The following USP34 variants were observed in gnomAD, a reference collection of about 807,000 sequenced individuals.
The protein encoded by USP34 is ubiquitin carboxyl-terminal hydrolase 34.
USP34 carries 70 observed loss-of-function variants against 460.3 expected under a neutral mutation model. The ratio of observed to expected loss-of-function variants is 0.15; its 90% CI spans 0.13 to 0.19. The LOEUF (loss-of-function observed/expected upper bound fraction) is 0.19. Among genes scored for constraint, USP34 ranks in the 10% least tolerant of loss-of-function variants. The pLI, the probability that USP34 is intolerant of heterozygous loss-of-function variation, is 1.00. For synonymous variants in USP34, 1,647 were observed against 1,405.3 expected (o/e 1.17, Z -3.85); for missense variants, 3,985 against 4,236.2 (o/e 0.94, Z 1.65).
At chr2:61,427,266 G>A (rs1184334731) in intron 1 of USP34, among the ~76,000 whole-genome samples, 1 of 152,190 alleles carries the variant, frequency 6.6e-6, no homozygotes, top group African/African-American at 2.4e-5. Context: ...CTGACCTCGT[G>A]ATCCACCCGC....
At chr2:61,276,228 G>C (rs965704689) in intron 41 of USP34, among the ~76,000 whole-genome samples, 1 of 152,156 alleles carries the variant, frequency 6.6e-6, no homozygotes, top group Non-Finnish European at 1.5e-5. Context: ...GTATCCTTTT[G>C]TATACTAACA....
At chr2:61,367,032 GAACA>G (rs1692462126) in intron 10 of USP34, among the ~76,000 whole-genome samples, 1 of 152,038 alleles carries the variant, frequency 6.6e-6, no homozygotes, top group Non-Finnish European at 1.5e-5. Flanking sequence ...CTTGGCAACA[GAACA>G]AACAGCAAAG....
At chr2:61,300,313 C>T (rs1006577702) in intron 29 of USP34, among the ~76,000 whole-genome samples, 1 of 151,926 alleles carries the variant, frequency 6.6e-6, no homozygotes, top group Non-Finnish European at 1.5e-5. Context: ...ATCCTCTTCC[C>T]CATTCTCCTT....
At chr2:61,432,199 T>C (rs144525826) in intron 1 of USP34, among the ~76,000 whole-genome samples, 1 of 150,462 alleles carries the variant, frequency 6.6e-6, no homozygotes, top group East Asian at 2.0e-4. Flanking sequence ...AAAAATGGAA[T>C]GTAGTGACAT....
chr2:61,203,795 G>A (rs1382058068), intron 74 of USP34, among the ~76,000 whole-genome samples: 1 of 151,828 alleles, frequency 6.6e-6, no homozygotes, highest in Non-Finnish European at 1.5e-5. Flanking sequence ...TTTAGAATTG[G>A]CATTATTTTA....
chr2:61,303,548 G>A (rs895804556), intron 27 of USP34, among the ~76,000 whole-genome samples: 7 of 151,980 alleles, frequency 4.6e-5, no homozygotes, highest in South Asian at 4.2e-4. Context: ...ATGAAGCAGC[G>A]TATTCATTAG....
chr2:61,195,828 T>C (rs1044138968), intron 75 of USP34, among the ~76,000 whole-genome samples: 1 of 152,114 alleles, frequency 6.6e-6, no homozygotes, highest in African/African-American at 2.4e-5. Context: ...TTAACCCTCT[T>C]ATGGGCAAGC....
chr2:61,334,005 A>ATTTT, intron 18 of USP34, 34 bp from the exon 19 acceptor site: 1 of 1,449,584 alleles, frequency 6.9e-7, no homozygotes, highest in Non-Finnish European at 9.4e-7. Flanking sequence ...AAATAATTTT[A>ATTTT]GTAATTCTTT....
chr2:61,240,423 C>T (rs1277418286), intron 53 of USP34, among the ~76,000 whole-genome samples: 1 of 151,968 alleles, frequency 6.6e-6, no homozygotes, highest in East Asian at 1.9e-4. Context: ...GGACTACAGG[C>T]GCCCGCCAAC....
At chr2:61,404,549 T>C (rs567699589) in intron 3 of USP34, among the ~76,000 whole-genome samples, 2 of 152,292 alleles carry the variant, frequency 1.3e-5, no homozygotes, top group African/African-American at 4.8e-5. Flanking sequence ...CCTGGAGCAC[T>C]GCTAAGACTA....
intron 3 of USP34, among the ~76,000 whole-genome samples, chr2:61,401,539 T>A (rs1215169744): frequency 1.1e-5 from 1 of 89,558 alleles, no homozygotes; most frequent in African/African-American, 4.1e-5. Context: ...TACCTGGCCC[T>A]ATTTTTTTTT....
At chr2:61,460,459 G>A (rs1695565202) in intron 1 of USP34, among the ~76,000 whole-genome samples, 1 of 152,008 alleles carries the variant, frequency 6.6e-6, no homozygotes, top group African/African-American at 2.4e-5. Context: ...TGGCCCCAAA[G>A]TGCAAGAGCA....
At chr2:61,451,624 G>C (rs1573056784) in intron 1 of USP34, among the ~76,000 whole-genome samples, 1 of 151,766 alleles carries the variant, frequency 6.6e-6, no homozygotes, top group Non-Finnish European at 1.5e-5. Flanking sequence ...GGAGGTTGTG[G>C]TGAGCCAAGA....
intron 53 of USP34, 113 bp from the exon 54 acceptor site, chr2:61,236,502 C>G (rs575187488): frequency 1.3e-6 from 1 of 752,342 alleles, no homozygotes; most frequent in African/African-American, 1.8e-5. Flanking sequence ...AAAATAAAAT[C>G]CATGCACTTT....
intron 8 of USP34, among the ~76,000 whole-genome samples, chr2:61,377,964 A>T (rs553558065): frequency 1.3e-5 from 2 of 152,224 alleles, no homozygotes; most frequent in Admixed American, 6.5e-5. Flanking sequence ...GGATGGCTTG[A>T]GTCTACAAGA....
chr2:61,367,663 T>C lies in USP34; in HGVS notation c.1251+2658A>G, dbSNP rs562784937. ...TATAGTAAAAGAAATAGCAACATAA[T>C]GGAAGAAATATAATTGAAGAAATCA... is the stretch of plus-strand genomic sequence containing the variant. On this transcript the variant is annotated intron_variant, in intron 10 of 79. Transcript: ENST00000398571. 9.2e-5 allele frequency among the ~76,000 whole-genome samples: 14 copies of C among 152,060 alleles called. No homozygotes were observed. The East Asian group carries it at 2.7e-3, about 29-fold the overall frequency.
intron 27 of USP34, among the ~76,000 whole-genome samples, chr2:61,309,592 T>C (rs1032778048): frequency 2.6e-5 from 4 of 152,288 alleles, no homozygotes; most frequent in Non-Finnish European, 5.9e-5. Flanking sequence ...TGTACTTGGA[T>C]TGTCTTTACC....
At chr2:61,339,703 A>G (rs778822770) in intron 16 of USP34, 22 bp from the exon 17 acceptor site, 2 of 1,256,278 alleles carry the variant, frequency 1.6e-6, no homozygotes, top group Non-Finnish European at 2.1e-6. Flanking sequence ...AAAAAAAAAA[A>G]GACACACTAT....
chr2:61,364,854 C>G (rs1297376918), intron 10 of USP34, among the ~76,000 whole-genome samples: 1 of 151,932 alleles, frequency 6.6e-6, no homozygotes, highest in Non-Finnish European at 1.5e-5. Context: ...TGCTTGAGCT[C>G]CGGAGACGGA....
Sources: allele counts gnomAD v4.1 joint callset (sites outside exome capture counted in the v4.1 genomes callset), GRCh38; gene constraint gnomAD v4.1.1; transcripts MANE v1.5; gene names NCBI Gene and HGNC (gene_info 2026-07-23, HGNC 2026-07-21).